Variants in CABLES2 observed in about 807,000 individuals in gnomAD.
CABLES2 encodes the protein CDK5 and ABL1 enzyme substrate 2.
A neutral mutation model predicts 44.8 loss-of-function variants in CABLES2; 35 were observed. The ratio of observed to expected loss-of-function variants is 0.78; its 90% CI spans 0.60 to 1.04. The LOEUF (loss-of-function observed/expected upper bound fraction) is 1.04. Among genes scored for constraint, CABLES2 ranks in the 50% least tolerant of loss-of-function variants. The probability of loss-of-function intolerance (pLI) is 0.00; values close to 1 mark genes in which losing one functional copy is unlikely to be tolerated. For missense variants in CABLES2, 566 were observed against 615.7 expected (o/e 0.92, Z 0.85); for synonymous variants, 282 against 281.1 (o/e 1.00, Z -0.03).
Position 62,391,010 on chromosome 20 carries a change from T to G in CABLES2, c.1398A>C (p.Gln466His), listed in dbSNP as rs200133603. Residue 466 changes from glutamine to histidine, a missense_variant, in exon 10 of 10, where the codon CAA becomes CAC. Transcript: ENST00000279101. This position sits in a 1 kb window ranked among gnomAD's most constrained non-coding sequence, Gnocchi z 5.7. The part of the protein sequence containing the change: ...LELALYLPEN[Q>H]VLPHYRRLTQ... ...TGAGGCGCCTGTAATGAGGTAACAC[T>G]TGGTTCTCGGGAAGATACAGGGCCA... 1.1e-5 allele frequency: 17 copies of G among 1,614,048 alleles called. No homozygotes were observed. The highest frequency in any genetic ancestry group is 8.5e-7 in the Non-Finnish European group (1 of 1,180,002).
chr20:62,398,205 A>ATGGTGG (rs1569017886), intron 1 of CABLES2, among the ~76,000 whole-genome samples: 4 of 86,168 alleles, frequency 4.6e-5, no homozygotes, highest in Admixed American at 1.2e-4. Flanking sequence ...GATGGTGGTG[A>ATGGTGG]TGGTGATGTG....
At chr20:62,395,115 C>T (rs1267284124) in intron 3 of CABLES2, 101 bp from the exon 4 acceptor site, 1 of 986,370 alleles carries the variant, frequency 1.0e-6, no homozygotes, top group Non-Finnish European at 1.6e-6. Context: ...TTCCTTCTGC[C>T]TAAATTCAGG....
chr20:62,397,916 AG>A (rs1988050869), intron 1 of CABLES2, among the ~76,000 whole-genome samples: 1 of 72,112 alleles, frequency 1.4e-5, no homozygotes, highest in Non-Finnish European at 3.2e-5. Flanking sequence ...TGGTGATGGC[AG>A]TGGTGATGGT....
chr20:62,391,285 A>G lies in CABLES2; in HGVS notation c.1260T>C (p.Ser420=). The G allele has an allele frequency of 6.2e-7, 1 of 1,612,708 alleles. No individual in the cohort carries two copies. Among genetic ancestry groups the G allele is most frequent in the Non-Finnish European group, 8.5e-7 (1 of 1,179,870 alleles). Reference sequence around the variant, plus strand: ...GCGTCACGCCGCTCTTGCGCAGGTCACTGCTGATCTTGGCAGCCAGCAGCA... The same window carrying G: ...GCGTCACGCCGCTCTTGCGCAGGTCGCTGCTGATCTTGGCAGCCAGCAGCA... ...ACVLLAAKIS[S]DLRKSGVTQL... The change falls in exon 9 of 10, where the codon AGT becomes AGC. Residue 420 remains serine, a synonymous_variant. Coordinates refer to ENST00000279101, the MANE Select transcript of CABLES2 (RefSeq NM_031215.3). This position sits in a 1 kb window ranked among gnomAD's most constrained non-coding sequence, Gnocchi z 5.7.
chr20:62,406,847 C>T, intron 1 of CABLES2, 68 bp downstream of exon 1: 1 of 934,918 alleles, frequency 1.1e-6, no homozygotes, highest in Non-Finnish European at 1.3e-6. Context: ...TAGTCCTGGG[C>T]TGATCCGGCC....
chr20:62,397,973 A>T (rs6061234), intron 1 of CABLES2, among the ~76,000 whole-genome samples: 2 of 103,346 alleles, frequency 1.9e-5, no homozygotes, highest in African/African-American at 6.6e-5. Flanking sequence ...TGGTGGTGAC[A>T]GTGGTGATGG....
In CABLES2 at chr20:62,394,037, C is replaced by G. The variant is rs116427448; in HGVS notation, c.714+120G>C. On this transcript the variant is annotated intron_variant, in intron 5 of 9. Coordinates refer to ENST00000279101, the MANE Select transcript of CABLES2 (RefSeq NM_031215.3). ...CGGGCCCGCATCCACTCCACCCTTG[C>G]GTTTTACGTGGAGTGAAGCACAGCT... is the stretch of plus-strand genomic sequence containing the variant. 44 of 807,204 alleles carry G rather than the reference C, an allele frequency of 5.5e-5. 1 individual carries two copies. Among genetic ancestry groups the G allele is most frequent in the Admixed American group, 1.9e-4 (10 of 52,384 alleles). The allele number at this position is 807,204 out of a possible 1,614,324, so 50.0% of individuals were successfully genotyped here. A position where few individuals can be genotyped will look rare whatever the true frequency, so the allele number is the denominator to read the frequency against.
intron 1 of CABLES2, among the ~76,000 whole-genome samples, chr20:62,398,190 GTGATGA>G (rs760505957): frequency 1.6e-4 from 18 of 113,374 alleles, no homozygotes; most frequent in Admixed American, 2.6e-4. Context: ...GGTGGTGATG[GTGATGA>G]TGGTGGTGAT....
At chr20:62,392,848 C>A in intron 7 of CABLES2, 72 bp downstream of exon 7, 1 of 1,377,354 alleles carries the variant, frequency 7.3e-7, no homozygotes. Flanking sequence ...TTGCCCACAG[C>A]CTGCCCCACA....
intron 6 of CABLES2, 86 bp from the exon 7 acceptor site, chr20:62,393,109 G>C: frequency 8.2e-7 from 1 of 1,217,166 alleles, no homozygotes; most frequent in African/African-American, 1.5e-5. Flanking sequence ...CGCCATGGCG[G>C]GGCAAGGCCG....
At chr20:62,399,514 T>A (rs1345055528) in intron 1 of CABLES2, among the ~76,000 whole-genome samples, 1 of 148,812 alleles carries the variant, frequency 6.7e-6, no homozygotes, top group Non-Finnish European at 1.5e-5. Context: ...CCCAAAGTGC[T>A]GGGATTACAG....
In CABLES2 at chr20:62,407,279, T is replaced by A; in HGVS notation, c.-3A>T. On this transcript the variant is annotated 5_prime_UTR_variant, in exon 1 of 10. Coordinates refer to ENST00000279101, the MANE Select transcript of CABLES2 (RefSeq NM_031215.3). ...CCACCGGCCGCGGCCGCGGCCATCC[T>A]CAGACTGCGCCCGCCGCCGCGAAGC... The A allele has an allele frequency of 9.4e-6, 4 of 427,462 alleles. No individual in the cohort carries two copies. The highest frequency in any genetic ancestry group is 9.3e-6 in the Non-Finnish European group (3 of 324,250). The allele number at this position is 427,462 out of a possible 1,614,324, so 26.5% of individuals were successfully genotyped here.
At chr20:62,397,491 C>T (rs1988041082) in intron 1 of CABLES2, among the ~76,000 whole-genome samples, 1 of 152,170 alleles carries the variant, frequency 6.6e-6, no homozygotes, top group Non-Finnish European at 1.5e-5. Flanking sequence ...AACGCACTTC[C>T]TTGAAGACCC....
At chr20:62,398,115 G>A (rs867588085) in intron 1 of CABLES2, among the ~76,000 whole-genome samples, 57 of 103,668 alleles carry the variant, frequency 5.5e-4, no homozygotes, top group South Asian at 1.0e-3. Context: ...GATGGTGGTG[G>A]TGGTGGTGGT....
At position 62,389,152 on chromosome 20, in the gene CABLES2, G is replaced by A. The variant is rs907587011; in HGVS notation, c.*1819C>T. The A allele has an allele frequency of 2.6e-5, 4 of 152,856 alleles. No homozygotes were observed. Among genetic ancestry groups the A allele is most frequent in the African/African-American group, 9.6e-5 (4 of 41,452 alleles). The allele number at this position is 152,856 out of a possible 1,614,324, so 9.5% of individuals were successfully genotyped here. A position where few individuals can be genotyped will look rare whatever the true frequency, so the allele number is the denominator to read the frequency against. ...TCAGTCCTTTACATGCTCGTAACAT[G>A]GGCGAGCTCTTGAGATGGGATCTGG... is the stretch of plus-strand genomic sequence containing the variant. On this transcript the variant is annotated 3_prime_UTR_variant, in exon 10 of 10. Transcript: ENST00000279101.
At chr20:62,398,078 G>GGTGACGGTGGTA in intron 1 of CABLES2, among the ~76,000 whole-genome samples, 1 of 27,802 alleles carries the variant, frequency 3.6e-5, no homozygotes, top group South Asian at 8.3e-4. Flanking sequence ...TGACGGTGGT[G>GGTGACGGTGGTA]GTGGTGGTGA....
intron 5 of CABLES2, 69 bp downstream of exon 5, chr20:62,394,088 G>T: frequency 1.6e-6 from 2 of 1,218,302 alleles, no homozygotes; most frequent in Non-Finnish European, 1.2e-6. Flanking sequence ...GGGCACTGAC[G>T]TGGGACTGCT....
rs373210902 is a variant in CABLES2, at chr20:62,391,140, C to T, written c.1297-29G>A. ...CAGGGGAGAAGAGAGAAGGGTTACA[C>T]GGGAGCCTTCCCTCTTCCACATTTC... On this transcript the variant is annotated intron_variant, in intron 9 of 9. Coordinates refer to ENST00000279101, the MANE Select transcript of CABLES2 (RefSeq NM_031215.3). This position sits in a 1 kb window ranked among gnomAD's most constrained non-coding sequence, Gnocchi z 5.7. 3.3e-5 allele frequency: 53 copies of T among 1,610,488 alleles called. No homozygotes were observed. Among genetic ancestry groups the T allele is most frequent in the African/African-American group, 5.3e-5 (4 of 74,892 alleles).
In CABLES2 at chr20:62,406,948, G is replaced by T; in HGVS notation, c.329C>A (p.Pro110His). 8.2e-7 allele frequency: 1 copy of T among 1,216,566 alleles called. No individual in the cohort carries two copies. The highest frequency in any genetic ancestry group is 1.0e-6 in the Non-Finnish European group (1 of 977,686). The allele number at this position is 1,216,566 out of a possible 1,614,324, so 75.4% of individuals were successfully genotyped here. ...CTGCCCATCCAGGCCGAGGCCGGTGGGCACCTGCGTGGGGCTGAGCAGGCC... is the reference window on the plus strand; with the variant it reads ...CTGCCCATCCAGGCCGAGGCCGGTGTGCACCTGCGTGGGGCTGAGCAGGCC... ...PQGLLSPTQVPTGLGLDGQRQ... is the reference protein window; with the variant it reads ...PQGLLSPTQVHTGLGLDGQRQ... Residue 110 changes from proline to histidine, a missense_variant, in exon 1 of 10, where the codon CCC becomes CAC. Coordinates refer to ENST00000279101, the MANE Select transcript of CABLES2 (RefSeq NM_031215.3).
Sources: gnomAD v4.1 joint callset for allele counts (sites outside exome capture counted in the v4.1 genomes callset) on GRCh38, gnomAD v4.1.1 for gene constraint, Gnocchi (gnomAD v3.1) non-coding constraint, MANE v1.5 for transcripts, NCBI Gene and HGNC (gene_info 2026-07-23, HGNC 2026-07-21) for gene names.